STAB2: variants seen among roughly 807,000 people sequenced by gnomAD.
The protein encoded by STAB2 is stabilin 2.
In STAB2, 288 loss-of-function variants were observed where a neutral mutation model predicts 338.1. That is an observed-to-expected ratio of 0.85 (90% CI 0.77 to 0.94). The LOEUF (loss-of-function observed/expected upper bound fraction) is 0.94, where lower values mean the gene tolerates loss of function less well. Ranked by LOEUF, STAB2 falls within the 40% of genes least tolerant of loss-of-function variation. STAB2 has a pLI of 0.00. For synonymous variants in STAB2, 1,202 were observed against 1,193.3 expected (o/e 1.01, Z -0.15); for missense variants, 3,141 against 3,210.1 (o/e 0.98, Z 0.52).
chr12:103,660,854 C>T, intron 17 of STAB2, 91 bp downstream of exon 17: 2 of 1,338,356 alleles, frequency 1.5e-6, no homozygotes, highest in Non-Finnish European at 2.1e-6. Flanking sequence ...TCTATGCTAA[C>T]TCATGGGCTT....
chr12:103,685,777 C>T (rs1004046986), intron 27 of STAB2, among the ~76,000 whole-genome samples: 4 of 152,148 alleles, frequency 2.6e-5, no homozygotes, highest in African/African-American at 9.7e-5. Context: ...CTACATTTTT[C>T]TATTTTGACC....
rs1320502978 is a variant in STAB2, at chr12:103,706,873, G to A, written c.4078G>A (p.Gly1360Ser). ...TGCCCAGAATGTCTGCTTTGGTAATGGCATCTGTTTGGATGGAGTGAATGG... is the reference window on the plus strand; with the variant it reads ...TGCCCAGAATGTCTGCTTTGGTAATAGCATCTGTTTGGATGGAGTGAATGG... ...GNAQNVCFGN[G>S]ICLDGVNGTG... Residue 1360 changes from glycine to serine, a missense_variant, in exon 38 of 69, where the codon GGC (glycine) becomes AGC (serine). By Grantham distance (56) the Gly-to-Ser change is moderately conservative. Transcript: ENST00000388887. The A allele has an allele frequency of 5.0e-6, 8 of 1,614,114 alleles. No homozygotes were observed. Among genetic ancestry groups the A allele is most frequent in the Non-Finnish European group, 6.8e-6 (8 of 1,180,038 alleles).
intron 40 of STAB2, 89 bp downstream of exon 40, chr12:103,711,605 G>T (rs891987419): frequency 2.8e-6 from 4 of 1,428,624 alleles, no homozygotes; most frequent in African/African-American, 1.4e-5. Flanking sequence ...CAGGGGATTT[G>T]TTTCCTGACA....
chr12:103,722,418 C>A (rs564478269), intron 44 of STAB2, among the ~76,000 whole-genome samples: 1 of 152,106 alleles, frequency 6.6e-6, no homozygotes. Flanking sequence ...TTCTTGAAGA[C>A]AAGATCAAGG....
chr12:103,695,441 A>T, intron 31 of STAB2, 109 bp from the exon 32 acceptor site: 1 of 906,752 alleles, frequency 1.1e-6, no homozygotes, highest in Non-Finnish European at 1.7e-6. Flanking sequence ...GTCAATGTCA[A>T]TCCATTGAAC....
intron 11 of STAB2, among the ~76,000 whole-genome samples, chr12:103,651,382 C>T (rs1315688670): frequency 1.3e-5 from 2 of 149,146 alleles, no homozygotes; most frequent in South Asian, 2.1e-4. Flanking sequence ...GGCGCAATCT[C>T]GGCTCACTGC....
intron 52 of STAB2, among the ~76,000 whole-genome samples, chr12:103,736,971 A>G (rs1280424197): frequency 1.3e-5 from 2 of 152,246 alleles, no homozygotes; most frequent in African/African-American, 2.4e-5. Flanking sequence ...ATGAAATAAT[A>G]TCTCCAAAGC....
Position 103,594,384 on chromosome 12 carries a change from T to G in STAB2, c.216-11T>G, listed in dbSNP as rs749018482. On this transcript the variant is annotated splice_polypyrimidine_tract_variant and intron_variant, in intron 2 of 68. Transcript: ENST00000388887. ...TTATCGTGGGTTAATGTCCTCTCTT[T>G]ACCCTCCAAGGTACACCTTTGAGGT... 26 of 1,609,492 alleles carry G rather than the reference T, an allele frequency of 1.6e-5. No individual in the cohort carries two copies. The highest frequency in any genetic ancestry group is 2.1e-5 in the Non-Finnish European group (25 of 1,175,976).
intron 6 of STAB2, among the ~76,000 whole-genome samples, chr12:103,634,069 C>A: frequency 6.6e-6 from 1 of 152,174 alleles, no homozygotes; most frequent in East Asian, 1.9e-4. Context: ...CTTGAATTCC[C>A]ACCAGTAGGA....
Position 103,587,558 on chromosome 12 carries a change from G to T in STAB2, c.81+1G>T. 1 of 1,612,706 alleles carries T rather than the reference G, an allele frequency of 6.2e-7. No individual in the cohort carries two copies. Among genetic ancestry groups the T allele is most frequent in the Non-Finnish European group, 8.5e-7 (1 of 1,178,880 alleles). ...CTCCCCAGCTGAAACCACAGGGCAG[G>T]TAAGAGGAGACTTACATATTTTTTT... On this transcript the variant is annotated splice_donor_variant, in intron 1 of 68. Coordinates refer to ENST00000388887, the MANE Select transcript of STAB2 (RefSeq NM_017564.10). LOFTEE classifies it high-confidence loss of function.
At chr12:103,755,755 G>GA (rs1197155048) in intron 63 of STAB2, 37 bp downstream of exon 63, 2 of 1,606,342 alleles carry the variant, frequency 1.2e-6, no homozygotes, top group Middle Eastern at 1.7e-4. Context: ...CTCAGGCAGG[G>GA]AGGGGTTGCC....
intron 8 of STAB2, 69 bp from the exon 9 acceptor site, chr12:103,640,053 AT>A: frequency 6.6e-7 from 1 of 1,519,726 alleles, no homozygotes; most frequent in Non-Finnish European, 8.9e-7. Flanking sequence ...AAAAATACAA[AT>A]TAAAGAAGAA....
rs1322574031 is a variant in STAB2 at position 103,758,242 on chromosome 12, C to T, written c.7060C>T (p.Arg2354Cys). The change falls in exon 64 of 69, where the codon CGC becomes TGC. Residue 2354 changes from arginine (R) to cysteine (C), a missense_variant. Physicochemically the swap from Arg to Cys is radical, Grantham distance 180. Transcript: ENST00000388887. ...FLEHLTDLSI[R>C]GTLFVPQNSG... ...AGAACACCTGACTGACCTGTCCATC[C>T]GCGGCACCCTCTTTGTGCCACAGAA... The T allele has an allele frequency of 5.6e-6, 9 of 1,613,968 alleles. No individual in the cohort carries two copies. Among genetic ancestry groups the T allele is most frequent in the Admixed American group, 3.3e-5 (2 of 60,000 alleles).
chr12:103,637,307 T>A, intron 7 of STAB2, 71 bp downstream of exon 7: 2 of 1,547,974 alleles, frequency 1.3e-6, no homozygotes, highest in Non-Finnish European at 1.7e-6. Context: ...AAAAAAAATC[T>A]CACAACCTCC....
intron 3 of STAB2, among the ~76,000 whole-genome samples, chr12:103,608,820 G>A (rs1156237722): frequency 6.6e-6 from 1 of 152,136 alleles, no homozygotes; most frequent in African/African-American, 2.4e-5. Flanking sequence ...ATGGTTTTAG[G>A]TCTAACATTT....
At chr12:103,670,411 T>C (rs911923287) in intron 21 of STAB2, among the ~76,000 whole-genome samples, 1 of 152,198 alleles carries the variant, frequency 6.6e-6, no homozygotes, top group Middle Eastern at 3.2e-3. Context: ...TGGAGGCCCC[T>C]GTCTTATCAC....
At chr12:103,761,436 G>C (rs377069100) in intron 66 of STAB2, 26 bp downstream of exon 66, 2 of 1,602,404 alleles carry the variant, frequency 1.2e-6, no homozygotes. Context: ...CCCTGATAAC[G>C]GGCCAGGAGG....
intron 3 of STAB2, among the ~76,000 whole-genome samples, chr12:103,598,533 G>T (rs981171557): frequency 6.6e-6 from 1 of 152,098 alleles, no homozygotes; most frequent in East Asian, 1.9e-4. Flanking sequence ...TATATAATAT[G>T]TCTTTCAAGC....
At chr12:103,686,444 G>A (rs940078851) in intron 27 of STAB2, among the ~76,000 whole-genome samples, 22 of 152,086 alleles carry the variant, frequency 1.4e-4, no homozygotes, top group African/African-American at 3.1e-4. Flanking sequence ...CTCCTCCCAC[G>A]AAAAGCAAAA....
Sources: gnomAD v4.1 joint callset for allele counts (sites outside exome capture counted in the v4.1 genomes callset) on GRCh38, gnomAD v4.1.1 for gene constraint, MANE v1.5 for transcripts, NCBI Gene and HGNC (gene_info 2026-07-23, HGNC 2026-07-21) for gene names.